SEMA5A: variants seen among roughly 807,000 people sequenced by gnomAD.
SEMA5A encodes semaphorin-5A.
SEMA5A carries 55 observed loss-of-function variants against 135.5 expected under a neutral mutation model. The ratio of observed to expected loss-of-function variants is 0.41; its 90% confidence interval spans 0.33 to 0.51. SEMA5A has a LOEUF of 0.51. SEMA5A is among the 20% of genes least tolerant of loss of function. The probability of loss-of-function intolerance (pLI) is 0.37; values close to 1 mark genes in which losing one functional copy is unlikely to be tolerated. For synonymous variants in SEMA5A, 580 were observed against 546.5 expected, an observed-to-expected ratio of 1.06 and a Z score of -0.85; for missense variants, 1,290 against 1,419.9, an observed-to-expected ratio of 0.91 and a Z score of 1.47.
chr5:9,059,733 A>G (rs1419475041), intron 18 of SEMA5A, among the ~76,000 whole-genome samples: 1 of 152,092 alleles, frequency 6.6e-6, no homozygotes, highest in African/African-American at 2.4e-5. Context: ...TCTTTTTAGT[A>G]GGAATAAGTT....
intron 2 of SEMA5A, among the ~76,000 whole-genome samples, chr5:9,408,751 G>A (rs574129811): frequency 6.6e-6 from 1 of 152,218 alleles, no homozygotes; most frequent in Admixed American, 6.5e-5. Flanking sequence ...TTGAATCCAG[G>A]CAGCAGTCTC....
At chr5:9,113,884 T>C (rs1013397306) in intron 15 of SEMA5A, among the ~76,000 whole-genome samples, 2 of 152,218 alleles carry the variant, frequency 1.3e-5, no homozygotes, top group African/African-American at 4.8e-5. Flanking sequence ...GAAAGCAGCA[T>C]GGTGTTTCCT....
chr5:9,507,960 C>T (rs1236782786), intron 1 of SEMA5A, among the ~76,000 whole-genome samples: 18 of 150,904 alleles, frequency 1.2e-4, no homozygotes, highest in East Asian at 5.9e-4. Context: ...GCCAAGATTG[C>T]GCCACTGCAT....
chr5:9,227,590 G>A (rs934463885), intron 6 of SEMA5A, among the ~76,000 whole-genome samples: 17 of 135,094 alleles, frequency 1.3e-4, no homozygotes, highest in Admixed American at 1.7e-4. Flanking sequence ...TCGCTCTGTC[G>A]CCCAGGCTGG....
intron 16 of SEMA5A, among the ~76,000 whole-genome samples, chr5:9,072,246 T>C (rs973684425): frequency 2.6e-5 from 4 of 152,132 alleles, no homozygotes; most frequent in East Asian, 1.9e-4. Flanking sequence ...TGCCACAACC[T>C]ACAGCCTTGA....
At chr5:9,531,491 G>A (rs1251349322) in intron 1 of SEMA5A, among the ~76,000 whole-genome samples, 1 of 152,146 alleles carries the variant, frequency 6.6e-6, no homozygotes, top group Non-Finnish European at 1.5e-5. Context: ...CAGCAAGTGA[G>A]GAAGCTCCCT....
intron 11 of SEMA5A, among the ~76,000 whole-genome samples, chr5:9,180,236 G>A (rs1253138473): frequency 6.6e-6 from 1 of 152,104 alleles, no homozygotes; most frequent in Non-Finnish European, 1.5e-5. Flanking sequence ...GGTCAAATAG[G>A]GTACTGAAGG....
chr5:9,476,314 A>G (rs990668161), intron 1 of SEMA5A, among the ~76,000 whole-genome samples: 2 of 152,210 alleles, frequency 1.3e-5, no homozygotes, highest in Non-Finnish European at 2.9e-5. Flanking sequence ...AGCACCAAAC[A>G]GCTATTATAG....
chr5:9,101,796 C>T (rs149715155), intron 16 of SEMA5A, among the ~76,000 whole-genome samples: 1 of 152,096 alleles, frequency 6.6e-6, no homozygotes, highest in Non-Finnish European at 1.5e-5. Context: ...ATATGAATAG[C>T]TTACTATTCA....
chr5:9,203,070 C>G (rs1409709147), intron 8 of SEMA5A, among the ~76,000 whole-genome samples: 2 of 152,194 alleles, frequency 1.3e-5, no homozygotes, highest in Non-Finnish European at 1.5e-5. Context: ...ATTTTACATA[C>G]AGCATTTGAA....
intron 11 of SEMA5A, among the ~76,000 whole-genome samples, chr5:9,188,330 T>C (rs1561001443): frequency 6.6e-6 from 1 of 152,238 alleles, no homozygotes; most frequent in African/African-American, 2.4e-5. Context: ...ACCCAGTCTA[T>C]GGTAATTTGT....
At chr5:9,116,908 G>T (rs898442511) in intron 15 of SEMA5A, among the ~76,000 whole-genome samples, 3 of 152,134 alleles carry the variant, frequency 2.0e-5, no homozygotes, top group African/African-American at 7.2e-5. Flanking sequence ...GAAGACCACA[G>T]AGGAAACTTT....
chr5:9,375,644 T>C (rs1755334457), intron 3 of SEMA5A, among the ~76,000 whole-genome samples: 2 of 149,500 alleles, frequency 1.3e-5, no homozygotes, highest in South Asian at 4.4e-4. Context: ...AAGCAGCTAA[T>C]ACAGTACTGC....
rs1482596086 is a variant in SEMA5A, at chr5:9,381,977, TGTGTGC to T, written c.-77-1960_-77-1955del. Among the ~76,000 whole-genome samples the T allele has an allele frequency of 2.1e-3, 247 of 119,114 alleles. 3 individuals carry two copies. Among genetic ancestry groups the T allele is most frequent in the African/African-American group, 7.6e-3 (215 of 28,396 alleles). 78.1% of individuals were successfully genotyped at this position (119,114 alleles called of 152,430 possible). A position where few individuals can be genotyped will look rare whatever the true frequency, so the allele number is the denominator to read the frequency against. On this transcript the variant is annotated intron_variant, in intron 2 of 22. Coordinates refer to ENST00000382496, the MANE Select transcript of SEMA5A (RefSeq NM_003966.3). ...GTGTGTGTGTGTGTGTGTGTGTGTG[TGTGTGC>T]GCGCGCGCGCACATCAAGTTTCAGA... is the stretch of plus-strand genomic sequence containing the variant.
chr5:9,434,167 A>G (rs1370218019), intron 2 of SEMA5A, among the ~76,000 whole-genome samples: 1 of 152,234 alleles, frequency 6.6e-6, no homozygotes, highest in Non-Finnish European at 1.5e-5. Flanking sequence ...CCTTTACACG[A>G]TAGAGTATTA....
chr5:9,200,699 AAAAGTTGTTATT>A (rs1313339197), intron 9 of SEMA5A, among the ~76,000 whole-genome samples: 2 of 152,230 alleles, frequency 1.3e-5, no homozygotes, highest in African/African-American at 4.8e-5. Context: ...CATGGGGGGT[AAAAGTTGTTATT>A]AAGCAAATAC....
intron 1 of SEMA5A, among the ~76,000 whole-genome samples, chr5:9,543,389 C>T (rs1191979285): frequency 2.6e-5 from 4 of 152,164 alleles, no homozygotes; most frequent in Non-Finnish European, 4.4e-5. Context: ...TCCCAAGACA[C>T]GTGATGAAAT....
chr5:9,236,621 C>T (rs899703898), intron 6 of SEMA5A, among the ~76,000 whole-genome samples: 6 of 152,306 alleles, frequency 3.9e-5, no homozygotes, highest in East Asian at 1.9e-4. Flanking sequence ...ATATCACATT[C>T]GAATTCTTTG....
At chr5:9,186,659 A>G (rs1216664663) in intron 11 of SEMA5A, among the ~76,000 whole-genome samples, 1 of 152,234 alleles carries the variant, frequency 6.6e-6, no homozygotes, top group Non-Finnish European at 1.5e-5. Flanking sequence ...TGTGTGCTCA[A>G]TATCAGATTC....
Sources: gnomAD v4.1 joint callset for allele counts (sites outside exome capture counted in the v4.1 genomes callset) on GRCh38, gnomAD v4.1.1 for gene constraint, MANE v1.5 for transcripts, NCBI Gene and HGNC (gene_info 2026-07-23, HGNC 2026-07-21) for gene names.